Variants in RBL1 observed in about 807,000 individuals in gnomAD.
RBL1 encodes the protein RB transcriptional corepressor like 1.
Under a neutral mutation model 123.0 loss-of-function variants are expected in RBL1, and 82 were observed. The ratio of observed to expected loss-of-function variants is 0.67; its 90% CI spans 0.56 to 0.80. RBL1 has a LOEUF of 0.80. RBL1 is among the 30% of genes least tolerant of loss of function. RBL1 has a pLI of 0.00. For missense variants in RBL1, 1,171 were observed against 1,299.6 expected (o/e 0.90, Z 1.52); for synonymous variants, 405 against 441.3 (o/e 0.92, Z 1.03).
chr20:37,066,523 T>C (rs1345228906), intron 6 of RBL1, among the ~76,000 whole-genome samples: 2 of 152,208 alleles, frequency 1.3e-5, no homozygotes, highest in Non-Finnish European at 2.9e-5. Flanking sequence ...CAACAGTACA[T>C]ATAGTTGGTC....
chr20:37,002,073 G>T (rs1353167237), intron 21 of RBL1, among the ~76,000 whole-genome samples: 2 of 151,714 alleles, frequency 1.3e-5, no homozygotes, highest in Non-Finnish European at 2.9e-5. Flanking sequence ...TCTCTCTGTT[G>T]CCCAGGCTGG....
intron 21 of RBL1, among the ~76,000 whole-genome samples, chr20:37,001,076 G>A (rs1408287787): frequency 1.0e-4 from 15 of 148,476 alleles, no homozygotes; most frequent in Admixed American, 1.0e-3. Context: ...AGGGAGGCGG[G>A]GAGGTCAGCC....
intron 20 of RBL1, 48 bp downstream of exon 20, chr20:37,007,363 C>G (rs2064091305): frequency 6.4e-7 from 1 of 1,574,050 alleles, no homozygotes; most frequent in Non-Finnish European, 8.6e-7. Flanking sequence ...TTATAGTAAT[C>G]CAACTATGAC....
Position 37,040,174 on chromosome 20 carries a change from C to G in RBL1, c.1882G>C (p.Asp628His). The G allele has an allele frequency of 1.2e-6, 2 of 1,613,966 alleles. No homozygotes were observed. The highest frequency in any genetic ancestry group is 1.7e-6 in the Non-Finnish European group (2 of 1,179,964). Residue 628 changes from aspartate to histidine, a missense_variant, in exon 14 of 22, where the codon GAC (aspartate) becomes CAC (histidine). Coordinates refer to ENST00000373664, the MANE Select transcript of RBL1 (RefSeq NM_002895.5). ...CTACCTCTTCGAAGACTCCCACTGTCAGTTCGAACTTCCTTGACTCTTGGG... is the reference window on the plus strand; with the variant it reads ...CTACCTCTTCGAAGACTCCCACTGTGAGTTCGAACTTCCTTGACTCTTGGG... Reference protein sequence around the residue: ...MHPRVKEVRTDSGSLRRDMQP... With the variant: ...MHPRVKEVRTHSGSLRRDMQP...
At chr20:37,032,951 T>TTA in intron 15 of RBL1, 75 bp from the exon 16 acceptor site, 1 of 1,554,130 alleles carries the variant, frequency 6.4e-7, no homozygotes, top group South Asian at 1.2e-5. Flanking sequence ...ATTTTGACAA[T>TTA]TATATATACA....
chr20:37,033,486 A>AT (rs796261538), intron 15 of RBL1, among the ~76,000 whole-genome samples: 75 of 142,130 alleles, frequency 5.3e-4, no homozygotes, highest in African/African-American at 1.4e-3. Flanking sequence ...CCCGGCTTGT[A>AT]TTTTTTTTTT....
At chr20:37,021,932 G>C (rs973267439) in intron 17 of RBL1, 1 of 154,760 alleles carries the variant, frequency 6.5e-6, no homozygotes, top group Admixed American at 6.4e-5. Context: ...CTTAAAAAAT[G>C]AATCAACCAT....
chr20:37,068,156 T>C lies in RBL1; in HGVS notation c.321A>G (p.Lys107=). The stretch of plus-strand genomic sequence containing the variant: ...GTGGTAGATTTGACATGTCCATCCA[T>C]TTCTTCATTTTACTAAAAAATTGTA... ...SLIQFFSKMK[K]WMDMSNLPQE... is the part of the protein sequence containing the mutation. The change falls in exon 3 of 22, where the codon AAA becomes AAG. Residue 107 remains lysine (K), a synonymous_variant. Transcript: ENST00000373664. 6.3e-7 allele frequency: 1 copy of C among 1,596,596 alleles called. No individual in the cohort carries two copies. The highest frequency in any genetic ancestry group is 8.5e-7 in the Non-Finnish European group (1 of 1,174,644).
intron 21 of RBL1, among the ~76,000 whole-genome samples, chr20:37,002,844 A>T (rs2064010774): frequency 6.6e-6 from 1 of 151,206 alleles, no homozygotes; most frequent in South Asian, 2.1e-4. Context: ...CAGCCTCCAC[A>T]GCAGAGTAGC....
Position 36,998,930 on chromosome 20 carries a change from CTG to C in RBL1, c.3037-3_3037-2del, listed in dbSNP as rs749138927. On this transcript the variant is annotated splice_acceptor_variant and splice_polypyrimidine_tract_variant and intron_variant, in intron 21 of 21. Transcript: ENST00000373664. LOFTEE classifies it high-confidence loss of function. The stretch of plus-strand genomic sequence containing the variant: ...TCATGTTGTTGATATCTTTCAAACT[CTG>C]TGCAGAAATAGAGAACGTGTGTGAG... The C allele has an allele frequency of 3.1e-6, 5 of 1,610,030 alleles. No homozygotes were observed. In the African/African-American group the frequency reaches 5.4e-5, roughly 17 times the overall value.
At chr20:37,047,273 GA>G in intron 11 of RBL1, 83 bp from the exon 12 acceptor site, 1 of 1,474,174 alleles carries the variant, frequency 6.8e-7, no homozygotes, top group Non-Finnish European at 9.1e-7. Context: ...ATAAAAACAA[GA>G]AAAAATAACG....
In RBL1 at chr20:37,074,371, G is replaced by A. The variant is rs140424657; in HGVS notation, c.291-6185C>T. On this transcript the variant is annotated intron_variant, in intron 2 of 21. Coordinates refer to ENST00000373664, the MANE Select transcript of RBL1 (RefSeq NM_002895.5). ...TGAGAGTGCAGTGAGCCATGATTGC[G>A]CCATTGCACTCCAGCCTGGGTGACA... Among the ~76,000 whole-genome samples, 922 of 148,268 alleles carry A rather than the reference G, an allele frequency of 6.2e-3. 8 individuals carry two copies. The highest frequency in any genetic ancestry group is 0.022 in the African/African-American group (882 of 39,828).
Position 36,999,050 on chromosome 20 carries a change from G to A in RBL1, c.3037-121C>T, listed in dbSNP as rs565548448. ...TATCCAAATCTTAACACTGGGATAA[G>A]GACTCTTTTTAAAACTTAGAACAAC... On this transcript the variant is annotated intron_variant, in intron 21 of 21. Transcript: ENST00000373664. 3.5e-5 allele frequency: 32 copies of A among 914,278 alleles called. No individual in the cohort carries two copies. The South Asian group carries it at 4.7e-4, about 13-fold the overall frequency. 56.6% of individuals were successfully genotyped at this position (914,278 alleles called of 1,614,324 possible).
chr20:37,082,722 T>A (rs1310284039), intron 2 of RBL1, among the ~76,000 whole-genome samples: 1 of 152,132 alleles, frequency 6.6e-6, no homozygotes, highest in Admixed American at 6.6e-5. Context: ...TGGGACCAGG[T>A]GTGGTGGCTC....
intron 1 of RBL1, among the ~76,000 whole-genome samples, chr20:37,093,400 G>C (rs2065678399): frequency 6.6e-6 from 1 of 151,474 alleles, no homozygotes; most frequent in Non-Finnish European, 1.5e-5. Flanking sequence ...CCAATGCTCT[G>C]GGAGGCTGCG....
chr20:37,079,419 G>GA (rs1426461817), intron 2 of RBL1, among the ~76,000 whole-genome samples: 18 of 150,348 alleles, frequency 1.2e-4, no homozygotes, highest in Admixed American at 1.3e-4. Context: ...TAGTTTTTGA[G>GA]AACAGGGGGC....
At position 36,998,143 on chromosome 20, in the gene RBL1, A is replaced by G. The variant is rs942185461; in HGVS notation, c.*616T>C. 2.6e-5 allele frequency: 4 copies of G among 152,164 alleles called. No homozygotes were observed. The highest frequency in any genetic ancestry group is 9.7e-5 in the African/African-American group (4 of 41,434). 9.4% of individuals were successfully genotyped at this position (152,164 alleles called of 1,614,324 possible). A position where few individuals can be genotyped will look rare whatever the true frequency, so the allele number is the denominator to read the frequency against. ...ACAGAAGGAGACATTTATTTTTAAA[A>G]GAGAGCTAAAAAGTTATGGGGTTTC... On this transcript the variant is annotated 3_prime_UTR_variant, in exon 22 of 22. Transcript: ENST00000373664.
chr20:37,042,509 C>T (rs2146263680), intron 13 of RBL1, among the ~76,000 whole-genome samples: 1 of 152,200 alleles, frequency 6.6e-6, no homozygotes, highest in Admixed American at 6.5e-5. Context: ...AACAGAGTTA[C>T]CATATGAACC....
At chr20:37,066,464 C>G (rs941658396) in intron 6 of RBL1, among the ~76,000 whole-genome samples, 7 of 152,176 alleles carry the variant, frequency 4.6e-5, no homozygotes, top group Non-Finnish European at 8.8e-5. Context: ...CTATTCTTTA[C>G]AATTCTTTAT....
Sources: allele counts gnomAD v4.1 joint callset (sites outside exome capture counted in the v4.1 genomes callset), GRCh38; gene constraint gnomAD v4.1.1; transcripts MANE v1.5; gene names NCBI Gene and HGNC (gene_info 2026-07-23, HGNC 2026-07-21).